Variants in C16orf96 observed in about 807,000 individuals in gnomAD.
C16orf96 encodes the protein chromosome 16 open reading frame 96.
A neutral mutation model predicts 103.6 loss-of-function variants in C16orf96; 108 were observed. The observed-to-expected ratio is 1.04, with a 90% confidence interval of 0.89 to 1.22. The LOEUF is 1.22. C16orf96 is among the 50% of genes most tolerant of loss of function. The pLI, the probability that C16orf96 is intolerant of heterozygous loss-of-function variation, is 0.00. For missense variants in C16orf96, 1,586 were observed against 1,464.2 expected (o/e 1.08, Z -1.36); for synonymous variants, 566 against 593.5 (o/e 0.95, Z 0.67).
At chr16:4,554,721 T>A (rs2059247498), upstream of C16orf96, among the ~76,000 whole-genome samples, 1 of 150,396 alleles carries the variant, frequency 6.6e-6, no homozygotes, top group South Asian at 2.1e-4. Context: ...GGCACAATCT[T>A]GGCTCACTGC....
Position 4,575,691 on chromosome 16 carries a change from C to G in C16orf96, c.1211C>G (p.Ser404Cys). Residue 404 changes from serine (S) to cysteine (C), a missense_variant, in exon 5 of 16, where the codon TCT becomes TGT. Coordinates refer to ENST00000444310, the MANE Select transcript of C16orf96 (RefSeq NM_001145011.2). ...PLPQGWPRVG[S>C]WPLWDLGVLR... The stretch of plus-strand genomic sequence containing the variant: ...CCCCAAGGCTGGCCCAGGGTGGGCT[C>G]TTGGCCTCTGTGGGACTTAGGTGTC... 1 of 1,535,144 alleles carries G rather than the reference C, an allele frequency of 6.5e-7. No homozygotes were observed. Among genetic ancestry groups the G allele is most frequent in the Non-Finnish European group, 8.8e-7 (1 of 1,139,510 alleles).
chr16:4,580,310 A>ACCCCCCCCC (rs150403662), intron 7 of C16orf96, among the ~76,000 whole-genome samples, 185 bp downstream of exon 7: 124 of 104,448 alleles, frequency 1.2e-3, no homozygotes, highest in South Asian at 2.3e-3. Context: ...GAATCCCACC[A>ACCCCCCCCC]CCCCCCCCCA....
rs1400949072 is a variant in C16orf96 at position 4,580,070 on chromosome 16, A to G, written c.2297A>G (p.Tyr766Cys). ...GNQIEMMKDR[Y>C]ITLDKAVENL... is the part of the protein sequence containing the mutation. ...CAAATAGAGATGATGAAGGATCGCT[A>G]CATCACTTTGGACAAGGCGGTGGAG... Residue 766 changes from tyrosine (Y) to cysteine (C), a missense_variant, in exon 7 of 16, where the codon TAC becomes TGC. By Grantham distance (194) the Tyr-to-Cys change is radical. Coordinates refer to ENST00000444310, the MANE Select transcript of C16orf96 (RefSeq NM_001145011.2). The G allele has an allele frequency of 5.2e-6, 8 of 1,549,794 alleles. No individual in the cohort carries two copies. The highest frequency in any genetic ancestry group is 2.7e-5 in the African/African-American group (2 of 72,932).
At chr16:4,545,108 T>C in the C16orf96 span, among the ~76,000 whole-genome samples, 1 of 152,164 alleles carries the variant, frequency 6.6e-6, no homozygotes, top group Admixed American at 6.6e-5. Flanking sequence ...AGACATTAGT[T>C]GGGTGCTCCT....
rs1897124516 is a variant in C16orf96, at chr16:4,594,386, TCCA to T, written c.2904_2906del (p.Ile968_Gln969delinsMet). ...TGGCTGCAGCTCCAGGACCTCGGTA[TCCA>T]GGAGGATTGTCAGCAGGACTGGGGT... On this transcript the variant is annotated inframe_deletion, in exon 13 of 16. Transcript: ENST00000444310. The T allele has an allele frequency of 1.3e-6, 2 of 1,549,250 alleles. No homozygotes were observed. The highest frequency in any genetic ancestry group is 1.7e-6 in the Non-Finnish European group (2 of 1,146,810).
At chr16:4,566,023 T>C (rs2059382394) in intron 1 of C16orf96, among the ~76,000 whole-genome samples, 1 of 152,168 alleles carries the variant, frequency 6.6e-6, no homozygotes, top group Non-Finnish European at 1.5e-5. Flanking sequence ...TTAAGTTTTA[T>C]GTAGAGATGT....
chr16:4,565,942 A>G (rs1460830018), intron 1 of C16orf96, among the ~76,000 whole-genome samples: 1 of 152,190 alleles, frequency 6.6e-6, no homozygotes, highest in East Asian at 1.9e-4. Context: ...TCCTGGTCTC[A>G]AGCGATCCTC....
chr16:4,554,644 G>A (rs905723374), upstream of C16orf96, among the ~76,000 whole-genome samples: 6 of 149,566 alleles, frequency 4.0e-5, no homozygotes, highest in Non-Finnish European at 5.9e-5. Flanking sequence ...GTGAGCCACC[G>A]CACCCAGCCT....
At position 4,593,438 on chromosome 16, in the gene C16orf96, T is replaced by C. The variant is rs1897105045; in HGVS notation, c.2867+122T>C. The C allele has an allele frequency of 2.0e-6, 2 of 984,218 alleles. No homozygotes were observed. The highest frequency in any genetic ancestry group is 2.7e-5 in the East Asian group (1 of 37,200). The allele number at this position is 984,218 out of a possible 1,614,324, so 61.0% of individuals were successfully genotyped here. ...CAGGGACCTAAGATTGTCCTGGACA[T>C]GGCCAGCCCTTCGCAAGACAGGCAC... On this transcript the variant is annotated intron_variant, in intron 12 of 15. Coordinates refer to ENST00000444310, the MANE Select transcript of C16orf96 (RefSeq NM_001145011.2). This position sits in a 1 kb window ranked among gnomAD's most constrained non-coding sequence, Gnocchi z 4.2.
At chr16:4,562,475 A>AAG (rs3992820) in intron 1 of C16orf96, among the ~76,000 whole-genome samples, 5 of 150,568 alleles carry the variant, frequency 3.3e-5, no homozygotes, top group African/African-American at 9.8e-5. Context: ...AAAAAAAAAA[A>AAG]GAGAAAAGCC....
At chr16:4,557,161 G>C (rs1380000607) in intron 1 of C16orf96, among the ~76,000 whole-genome samples, 1 of 152,056 alleles carries the variant, frequency 6.6e-6, no homozygotes. Flanking sequence ...GTAGAGATGG[G>C]GTTTCACTAT....
At chr16:4,564,007 G>A (rs2141699467) in intron 1 of C16orf96, among the ~76,000 whole-genome samples, 1 of 150,782 alleles carries the variant, frequency 6.6e-6, no homozygotes, top group South Asian at 2.2e-4. Flanking sequence ...AGACCAGCCT[G>A]GCCAACATGG....
intron 10 of C16orf96, among the ~76,000 whole-genome samples, 184 bp downstream of exon 10, chr16:4,591,968 T>C (rs977143210): frequency 1.3e-5 from 2 of 152,092 alleles, no homozygotes; most frequent in African/African-American, 2.4e-5. Context: ...GATCCAGCCC[T>C]ATTCCTGCCA....
the C16orf96 span, among the ~76,000 whole-genome samples, chr16:4,540,830 A>C: frequency 5.3e-5 from 8 of 151,644 alleles, no homozygotes; most frequent in Admixed American, 5.3e-4. Flanking sequence ...TCACTGTGAC[A>C]ACTCCTAGGC....
chr16:4,539,704 G>T, the C16orf96 span, among the ~76,000 whole-genome samples: 1 of 151,966 alleles, frequency 6.6e-6, no homozygotes, highest in Non-Finnish European at 1.5e-5. Context: ...AAGAAAGAAA[G>T]AAATTACGGT....
chr16:4,546,897 G>A, the C16orf96 span, among the ~76,000 whole-genome samples: 3 of 152,126 alleles, frequency 2.0e-5, no homozygotes, highest in East Asian at 3.9e-4. Context: ...GTGCTACAAC[G>A]TGGATGAACC....
rs969544579 is a variant in C16orf96 at position 4,578,889 on chromosome 16, A to G, written c.2156-51A>G. 1.6e-5 allele frequency: 23 copies of G among 1,433,794 alleles called. No homozygotes were observed. In the Admixed American group the frequency reaches 4.2e-4, roughly 26 times the overall value. The allele number at this position is 1,433,794 out of a possible 1,614,324, so 88.8% of individuals were successfully genotyped here. ...GAGAAGCAGCTAGAGCCCAACAGAAACATCTTCCTCCATCCGAGCCCTCAG... is the reference window on the plus strand; with the variant it reads ...GAGAAGCAGCTAGAGCCCAACAGAAGCATCTTCCTCCATCCGAGCCCTCAG... On this transcript the variant is annotated intron_variant, in intron 5 of 15. Transcript: ENST00000444310.
chr16:4,558,795 G>A (rs1013135494), intron 1 of C16orf96, among the ~76,000 whole-genome samples: 2 of 151,612 alleles, frequency 1.3e-5, no homozygotes, highest in Non-Finnish European at 2.9e-5. Context: ...TGCGCCTGTA[G>A]TCCCAGCTAC....
chr16:4,587,278 C>T (rs1365778803), intron 8 of C16orf96, among the ~76,000 whole-genome samples, 165 bp downstream of exon 8: 1 of 152,184 alleles, frequency 6.6e-6, no homozygotes, highest in Non-Finnish European at 1.5e-5. Context: ...AATCCCAGCA[C>T]TTTGGGAGGC....
Sources: gnomAD v4.1 joint callset for allele counts (sites outside exome capture counted in the v4.1 genomes callset) on GRCh38, gnomAD v4.1.1 for gene constraint, Gnocchi (gnomAD v3.1) non-coding constraint, MANE v1.5 for transcripts, NCBI Gene and HGNC (gene_info 2026-07-23, HGNC 2026-07-21) for gene names.